Variants in HDAC4 observed in about 807,000 individuals in gnomAD.
The protein encoded by HDAC4 is histone deacetylase 4.
Under a neutral mutation model 135.1 loss-of-function variants are expected in HDAC4, and 16 were observed. The ratio of observed to expected loss-of-function variants is 0.12; its 90% CI spans 0.08 to 0.18. The LOEUF is 0.18. Ranked by LOEUF, HDAC4 falls within the 10% of genes least tolerant of loss-of-function variation. HDAC4 has a pLI of 1.00. For synonymous variants in HDAC4, 685 were observed against 653.4 expected, an observed-to-expected ratio of 1.05 and a Z score of -0.74; for missense variants, 1,143 against 1,511.8, an observed-to-expected ratio of 0.76 and a Z score of 4.05.
chr2:239,368,735 G>T (rs1016021335), intron 1 of HDAC4, among the ~76,000 whole-genome samples: 1 of 152,134 alleles, frequency 6.6e-6, no homozygotes, highest in African/African-American at 2.4e-5. Flanking sequence ...AGCCCTCCCT[G>T]TTCTGCAGGT....
chr2:239,283,917 G>T (rs980612374), intron 2 of HDAC4, among the ~76,000 whole-genome samples: 1 of 152,368 alleles, frequency 6.6e-6, no homozygotes, highest in African/African-American at 2.4e-5. Context: ...GGGGAGAAGT[G>T]GAGAGCAGTT....
intron 2 of HDAC4, among the ~76,000 whole-genome samples, chr2:239,283,437 G>A (rs2050938499): frequency 6.6e-6 from 1 of 152,234 alleles, no homozygotes; most frequent in Non-Finnish European, 1.5e-5. Flanking sequence ...AGCAGGATCA[G>A]TGCCGACGAG....
At chr2:239,301,051 T>C (rs1006685157) in intron 2 of HDAC4, among the ~76,000 whole-genome samples, 2 of 152,306 alleles carry the variant, frequency 1.3e-5, no homozygotes, top group African/African-American at 2.4e-5. Context: ...TTCCTCCTGC[T>C]GCTGCTGCTC....
intron 2 of HDAC4, among the ~76,000 whole-genome samples, chr2:239,323,628 A>G (rs868322250): frequency 2.6e-5 from 4 of 152,160 alleles, no homozygotes; most frequent in South Asian, 2.1e-4. Context: ...CCCGCGGCCA[A>G]CGACTTAGGT....
intron 3 of HDAC4, among the ~76,000 whole-genome samples, chr2:239,200,847 C>T (rs2045711937): frequency 6.6e-6 from 1 of 152,060 alleles, no homozygotes. Context: ...GCAGCTGCAG[C>T]ACATGGCCAG....
At chr2:239,286,685 C>A (rs1444879245) in intron 2 of HDAC4, among the ~76,000 whole-genome samples, 1 of 152,126 alleles carries the variant, frequency 6.6e-6, no homozygotes, top group Non-Finnish European at 1.5e-5. Context: ...CCTGACAAAA[C>A]TGGGAGCATC....
chr2:239,099,940 T>C (rs1462377870), intron 16 of HDAC4, among the ~76,000 whole-genome samples: 2 of 152,262 alleles, frequency 1.3e-5, no homozygotes, highest in African/African-American at 4.8e-5. Flanking sequence ...CTCTGGCCCT[T>C]GCATGCCTGG....
intron 15 of HDAC4, among the ~76,000 whole-genome samples, chr2:239,104,686 A>G (rs536225139): frequency 6.6e-6 from 1 of 152,370 alleles, no homozygotes; most frequent in East Asian, 1.9e-4. Context: ...CTGCGGTGCC[A>G]AGAGGCAGGT....
intron 2 of HDAC4, among the ~76,000 whole-genome samples, chr2:239,267,358 T>C (rs1264283316): frequency 6.6e-6 from 1 of 152,192 alleles, no homozygotes; most frequent in African/African-American, 2.4e-5. Context: ...AGGAAGCCGA[T>C]GGAGTCTGAA....
intron 2 of HDAC4, among the ~76,000 whole-genome samples, chr2:239,294,730 G>A (rs538763304): frequency 6.6e-6 from 1 of 152,090 alleles, no homozygotes; most frequent in Non-Finnish European, 1.5e-5. Context: ...AGGCCTCGGA[G>A]GCAGCACAGC....
intron 2 of HDAC4, among the ~76,000 whole-genome samples, chr2:239,263,520 C>T (rs566875113): frequency 5.9e-5 from 9 of 152,342 alleles, no homozygotes; most frequent in African/African-American, 2.2e-4. Context: ...GCTCTTGGCA[C>T]TGATGCCCAA....
At chr2:239,222,880 T>C (rs6732098) in intron 3 of HDAC4, among the ~76,000 whole-genome samples, 31,429 of 152,026 alleles carry the variant, frequency 0.21, 5,314 homozygotes, top group African/African-American at 0.44. Flanking sequence ...CAGTAAGCAT[T>C]GTCACCTGGA....
At chr2:239,237,366 A>C (rs995405870) in intron 2 of HDAC4, among the ~76,000 whole-genome samples, 1 of 152,062 alleles carries the variant, frequency 6.6e-6, no homozygotes, top group Non-Finnish European at 1.5e-5. Flanking sequence ...CTCTGGCAAG[A>C]TTTCCAGGAA....
intron 6 of HDAC4, chr2:239,161,994 GC>G (rs2152965517): frequency 2.5e-6 from 1 of 401,962 alleles, no homozygotes; most frequent in East Asian, 7.2e-5. Flanking sequence ...TTCTATTCCT[GC>G]TGGCCTCGGC....
chr2:239,276,330 CCTGT>C (rs970138078), intron 2 of HDAC4, among the ~76,000 whole-genome samples: 7 of 152,308 alleles, frequency 4.6e-5, no homozygotes, highest in African/African-American at 1.7e-4. Flanking sequence ...AACAGAGAGG[CCTGT>C]CTAACTGACT....
chr2:239,301,990 C>A (rs970680160), intron 2 of HDAC4, among the ~76,000 whole-genome samples: 22 of 151,428 alleles, frequency 1.5e-4, no homozygotes, highest in South Asian at 6.2e-4. Context: ...ACAACAACAA[C>A]AAAAAAAACA....
chr2:239,201,898 C>T (rs1321439189), intron 3 of HDAC4, among the ~76,000 whole-genome samples: 4 of 152,190 alleles, frequency 2.6e-5, no homozygotes, highest in Admixed American at 2.6e-4. Flanking sequence ...TCTACGTTTT[C>T]AAACTGCTTT....
At position 239,308,900 on chromosome 2, in the gene HDAC4, C is replaced by G. The variant is rs188755740; in HGVS notation, c.22+43778G>C. On this transcript the variant is annotated intron_variant, in intron 2 of 26. Coordinates refer to ENST00000543185, the MANE Select transcript of HDAC4 (RefSeq NM_001378414.1). This position sits in a 1 kb window ranked among gnomAD's most constrained non-coding sequence, Gnocchi z 4.2. ...CTCTACACCCAAGCCCTCGGAAGCA[C>G]GCTGCAGGCCCCTGGAGGTGCCACA... 6.6e-6 allele frequency among the ~76,000 whole-genome samples: 1 copy of G among 152,198 alleles called. No individual in the cohort carries two copies. Among genetic ancestry groups the G allele is most frequent in the Middle Eastern group, 3.2e-3 (1 of 316 alleles).
intron 2 of HDAC4, among the ~76,000 whole-genome samples, chr2:239,254,551 A>G (rs1482600156): frequency 6.6e-6 from 1 of 152,224 alleles, no homozygotes; most frequent in African/African-American, 2.4e-5. Context: ...GATCTAGTTA[A>G]AGATAAAAAC....
Sources: allele counts gnomAD v4.1 joint callset (sites outside exome capture counted in the v4.1 genomes callset), GRCh38; gene constraint gnomAD v4.1.1; non-coding constraint Gnocchi (gnomAD v3.1); transcripts MANE v1.5; gene names NCBI Gene and HGNC (gene_info 2026-07-23, HGNC 2026-07-21).